The following RSF1 variants were observed in gnomAD, a reference collection of about 807,000 sequenced individuals.
RSF1 encodes the protein HBV pX-associated protein 8.
A neutral mutation model predicts 145.2 loss-of-function variants in RSF1; 13 were observed. The ratio of observed to expected loss-of-function variants is 0.09; its 90% CI spans 0.06 to 0.14. The LOEUF is 0.14. RSF1 is among the 10% of genes least tolerant of loss of function. RSF1 has a pLI of 1.00. For synonymous variants in RSF1, 577 were observed against 592.6 expected, an observed-to-expected ratio of 0.97 and a Z score of 0.38; for missense variants, 1,517 against 1,718.2, an observed-to-expected ratio of 0.88 and a Z score of 2.07.
intron 14 of RSF1, among the ~76,000 whole-genome samples, chr11:77,672,445 C>A (rs1959580273): frequency 6.7e-6 from 1 of 149,474 alleles, no homozygotes; most frequent in African/African-American, 2.5e-5. Context: ...CAGCCTCAAC[C>A]TCCTGGGCTC....
At chr11:77,694,733 G>T (rs1447870471) in intron 7 of RSF1, among the ~76,000 whole-genome samples, 1 of 152,114 alleles carries the variant, frequency 6.6e-6, no homozygotes, top group African/African-American at 2.4e-5. Context: ...TTCCACTGAT[G>T]TCCTTTTGTT....
chr11:77,716,201 G>T (rs1160379426), intron 5 of RSF1, among the ~76,000 whole-genome samples: 1 of 151,742 alleles, frequency 6.6e-6, no homozygotes, highest in Non-Finnish European at 1.5e-5. Flanking sequence ...AGCCATATAG[G>T]AAACAGTATG....
chr11:77,847,565 G>T, the RSF1 span, among the ~76,000 whole-genome samples: 3 of 152,170 alleles, frequency 2.0e-5, no homozygotes, highest in Non-Finnish European at 4.4e-5. Context: ...AGATATAGAA[G>T]GGACAGAATG....
chr11:77,700,035 T>C (rs561022528), intron 6 of RSF1, among the ~76,000 whole-genome samples: 3 of 152,034 alleles, frequency 2.0e-5, no homozygotes, highest in Non-Finnish European at 2.9e-5. Flanking sequence ...TAAATATTTA[T>C]GAACATCCAC....
In RSF1 at chr11:77,685,114, A is replaced by T; in HGVS notation, c.2946T>A (p.Ile982=). The change falls in exon 10 of 16, where the codon ATT becomes ATA. Residue 982 remains isoleucine, a synonymous_variant. Transcript: ENST00000308488. ...CAAATCAGAAACTTACTTGTGGAGG[A>T]ATGATGTTTTCAATACTGATACCAA... is the stretch of plus-strand genomic sequence containing the variant. The part of the protein sequence containing the change: ...VYVGISIENI[I]PPQEPDFSED... 6.5e-7 allele frequency: 1 copy of T among 1,544,330 alleles called. No individual in the cohort carries two copies.
At chr11:77,698,154 C>T (rs1360874803) in intron 7 of RSF1, among the ~76,000 whole-genome samples, 1 of 152,010 alleles carries the variant, frequency 6.6e-6, no homozygotes, top group African/African-American at 2.4e-5. Context: ...GCAGAAATGC[C>T]ATTATTAAGT....
chr11:77,845,275 T>G, the RSF1 span, among the ~76,000 whole-genome samples: 2 of 152,188 alleles, frequency 1.3e-5, no homozygotes, highest in Non-Finnish European at 2.9e-5. Context: ...GAGTCTATAT[T>G]CTTTGTCTTC....
rs575000547 is a variant in RSF1 at position 77,683,071 on chromosome 11, T to C, written c.3065+639A>G. On this transcript the variant is annotated intron_variant, in intron 11 of 15. Transcript: ENST00000308488. ...ACTTCGGGAGGCTGAAGCGGGTGGA[T>C]TACCAGGTCAAGAGGTTGAGACTAT... 2.0e-5 allele frequency among the ~76,000 whole-genome samples: 3 copies of C among 152,184 alleles called. No individual in the cohort carries two copies. In the East Asian group the frequency reaches 5.8e-4, roughly 29 times the overall value.
chr11:77,852,239 A>AAAAAAAAAAAAAAAG, the RSF1 span, among the ~76,000 whole-genome samples: 13 of 133,834 alleles, frequency 9.7e-5, no homozygotes, highest in East Asian at 1.9e-3. Flanking sequence ...AAAAAAAAAA[A>AAAAAAAAAAAAAAAG]AAGAAGAAGA....
intron 4 of RSF1, among the ~76,000 whole-genome samples, chr11:77,736,756 A>G (rs918640213): frequency 2.6e-5 from 4 of 152,184 alleles, no homozygotes; most frequent in African/African-American, 9.7e-5. Flanking sequence ...GAAAATACGC[A>G]TATAATATTC....
At chr11:77,765,854 T>C (rs1297314318) in intron 1 of RSF1, among the ~76,000 whole-genome samples, 4 of 152,146 alleles carry the variant, frequency 2.6e-5, no homozygotes, top group African/African-American at 9.7e-5. Context: ...TTCAAGCAAT[T>C]CTCCTGCCTC....
intron 15 of RSF1, 140 bp downstream of exon 15, chr11:77,671,902 G>A (rs548186559): frequency 1.5e-4 from 103 of 709,208 alleles, no homozygotes; most frequent in Admixed American, 1.3e-3. Context: ...CCAAACTGCC[G>A]GGATTACAGG....
At chr11:77,750,255 G>C (rs1053451790) in intron 2 of RSF1, among the ~76,000 whole-genome samples, 2 of 152,084 alleles carry the variant, frequency 1.3e-5, no homozygotes, top group African/African-American at 4.8e-5. Context: ...TACACCCGGG[G>C]TAAGCAAGTT....
At chr11:77,849,506 G>C in the RSF1 span, among the ~76,000 whole-genome samples, 1 of 152,320 alleles carries the variant, frequency 6.6e-6, no homozygotes, top group South Asian at 2.1e-4. Flanking sequence ...TTATTGGCGT[G>C]AGCCACTGCA....
chr11:77,820,877 C>T (rs1204716981), upstream of RSF1: 7 of 717,974 alleles, frequency 9.7e-6, no homozygotes, highest in South Asian at 9.3e-5. Context: ...AATACATCGG[C>T]GGCCCGGAGC....
In RSF1 at chr11:77,813,714, C is replaced by T. The variant is rs73495903; in HGVS notation, c.187+6814G>A. 8.8e-3 allele frequency: 3,632 copies of T among 412,702 alleles called. 103 individuals are homozygous for T. Among genetic ancestry groups the T allele is most frequent in the African/African-American group, 0.061 (3,013 of 49,450 alleles). The allele number at this position is 412,702 out of a possible 1,614,324, so 25.6% of individuals were successfully genotyped here. A position where few individuals can be genotyped will look rare whatever the true frequency, so the allele number is the denominator to read the frequency against. On this transcript the variant is annotated intron_variant, in intron 1 of 15. Coordinates refer to ENST00000308488, the MANE Select transcript of RSF1 (RefSeq NM_016578.4). ...GCTTCCTGACCGACTTGTTCCTCGG[C>T]GAGAGCGAACAGTAGTGAGTAAGGA...
rs186827920 is a variant in RSF1, at chr11:77,750,512, C to T, written c.280-3384G>A. ...TCCCAATCATCTAAATATGTAAAAA[C>T]CATTCTTAGCTTTTTGAGACAGGTA... On this transcript the variant is annotated intron_variant, in intron 2 of 15. Transcript: ENST00000308488. Among the ~76,000 whole-genome samples the T allele has an allele frequency of 1.4e-3, 217 of 152,264 alleles. 1 individual carries two copies. The highest frequency in any genetic ancestry group is 3.5e-3 in the African/African-American group (146 of 41,530).
At chr11:77,773,934 T>C (rs1948313659) in intron 1 of RSF1, among the ~76,000 whole-genome samples, 1 of 152,050 alleles carries the variant, frequency 6.6e-6, no homozygotes, top group African/African-American at 2.4e-5. Context: ...GTAGTATCGG[T>C]TCTTATCAGT....
intron 1 of RSF1, among the ~76,000 whole-genome samples, chr11:77,767,767 T>C (rs1166686018): frequency 6.6e-6 from 1 of 152,242 alleles, no homozygotes; most frequent in Non-Finnish European, 1.5e-5. Context: ...GTATCACTCA[T>C]TAAGCAGTTG....
Sources: gnomAD v4.1 joint callset for allele counts (sites outside exome capture counted in the v4.1 genomes callset) on GRCh38, gnomAD v4.1.1 for gene constraint, MANE v1.5 for transcripts, NCBI Gene and HGNC (gene_info 2026-07-23, HGNC 2026-07-21) for gene names.